ZBTB40: variants seen among roughly 807,000 people sequenced by gnomAD.
The protein encoded by ZBTB40 is zinc finger and BTB domain containing 40, also known as zinc finger and BTB domain-containing protein 40.
Under a neutral mutation model 117.5 loss-of-function variants are expected in ZBTB40, and 60 were observed. The observed-to-expected ratio is 0.51, with a 90% CI of 0.41 to 0.63. The LOEUF is 0.63. Ranked by LOEUF, ZBTB40 falls within the 30% of genes least tolerant of loss-of-function variation. The pLI, the probability that ZBTB40 is intolerant of heterozygous loss-of-function variation, is 0.00. For missense variants in ZBTB40, 1,287 were observed against 1,498.5 expected (o/e 0.86, Z 2.33); for synonymous variants, 525 against 577.1 (o/e 0.91, Z 1.29).
At chr1:22,446,007 G>A (rs1640784852) in intron 1 of ZBTB40, among the ~76,000 whole-genome samples, 1 of 152,086 alleles carries the variant, frequency 6.6e-6, no homozygotes, top group South Asian at 2.1e-4. Context: ...AACATGCTAA[G>A]AACTCTAATA....
chr1:22,485,957 T>A lies in ZBTB40; in HGVS notation c.-69-3923T>A, dbSNP rs1284260582. On this transcript the variant is annotated intron_variant, in intron 1 of 17. Transcript: ENST00000375647. ...CATCTATTCTTACATGTTTTGTACT[T>A]TTTCCATTAAAGCCCCTGGCTATTT... Among the ~76,000 whole-genome samples the A allele has an allele frequency of 2.0e-5, 3 of 152,140 alleles. No homozygotes were observed. The East Asian group carries it at 5.8e-4, about 29-fold the overall frequency.
intron 1 of ZBTB40, among the ~76,000 whole-genome samples, chr1:22,480,614 T>A (rs1459953881): frequency 6.6e-6 from 1 of 151,928 alleles, no homozygotes; most frequent in Non-Finnish European, 1.5e-5. Flanking sequence ...CCTCCCAAAG[T>A]GCTGGGATTA....
At chr1:22,505,560 T>C (rs1639055824) in intron 5 of ZBTB40, among the ~76,000 whole-genome samples, 1 of 152,228 alleles carries the variant, frequency 6.6e-6, no homozygotes, top group African/African-American at 2.4e-5. Flanking sequence ...ATACAAATTA[T>C]CTGAGTATTC....
rs142090444 is a variant in ZBTB40 at position 22,493,615 on chromosome 1, C to T, written c.831+2082C>T. On this transcript the variant is annotated intron_variant, in intron 3 of 17. Transcript: ENST00000375647. ...TCACCCCCAAAAGTTTCTTCTTGTC[C>T]CTGTGTACTACCCCTCTCTCCTGCC... Among the ~76,000 whole-genome samples the T allele has an allele frequency of 1.9e-3, 288 of 152,128 alleles. 1 individual carries two copies. Among genetic ancestry groups the T allele is most frequent in the Non-Finnish European group, 3.3e-3 (226 of 67,986 alleles).
At chr1:22,505,819 T>G (rs1163497511) in intron 5 of ZBTB40, among the ~76,000 whole-genome samples, 6 of 152,180 alleles carry the variant, frequency 3.9e-5, no homozygotes, top group African/African-American at 9.7e-5. Context: ...TACACAGACC[T>G]GCAATTGAGA....
chr1:22,489,258 C>T (rs772486131), intron 1 of ZBTB40, among the ~76,000 whole-genome samples: 13 of 152,042 alleles, frequency 8.6e-5, no homozygotes, highest in Non-Finnish European at 1.6e-4. Flanking sequence ...AGGTAAGAGG[C>T]GGGATGACTG....
chr1:22,456,587 T>C (rs1192579610), intron 1 of ZBTB40, among the ~76,000 whole-genome samples: 1 of 152,164 alleles, frequency 6.6e-6, no homozygotes, highest in Admixed American at 6.5e-5. Context: ...CAATGAAACA[T>C]CACATGTAAC....
intron 12 of ZBTB40, 78 bp from the exon 13 acceptor site, chr1:22,517,222 G>A (rs1177198850): frequency 6.3e-7 from 1 of 1,579,928 alleles, no homozygotes; most frequent in African/African-American, 1.3e-5. Flanking sequence ...CCTGATACGT[G>A]CTGTAGAATT....
chr1:22,510,814 A>G (rs1639211411), intron 9 of ZBTB40, among the ~76,000 whole-genome samples: 1 of 152,240 alleles, frequency 6.6e-6, no homozygotes, highest in Non-Finnish European at 1.5e-5. Context: ...AGACAGACAC[A>G]CCGACGACCA....
At chr1:22,477,040 A>T (rs1222382512) in intron 1 of ZBTB40, among the ~76,000 whole-genome samples, 1 of 152,198 alleles carries the variant, frequency 6.6e-6, no homozygotes, top group Non-Finnish European at 1.5e-5. Flanking sequence ...TATATTAGAG[A>T]CTTTTACATT....
intron 9 of ZBTB40, among the ~76,000 whole-genome samples, chr1:22,510,819 C>T (rs1384001254): frequency 1.3e-5 from 2 of 152,186 alleles, no homozygotes; most frequent in Admixed American, 6.5e-5. Flanking sequence ...GACACACCGA[C>T]GACCAAATCC....
chr1:22,438,001 A>G (rs1049845411), intron 1 of ZBTB40, among the ~76,000 whole-genome samples: 9 of 152,028 alleles, frequency 5.9e-5, no homozygotes, highest in African/African-American at 1.7e-4. Context: ...GTGGTGGTAC[A>G]TGCCGGTAAT....
chr1:22,513,748 C>G lies in ZBTB40; in HGVS notation c.2668+618C>G, dbSNP rs1639303800. Among the ~76,000 whole-genome samples the G allele has an allele frequency of 6.6e-6, 1 of 152,134 alleles. No individual in the cohort carries two copies. Among genetic ancestry groups the G allele is most frequent in the South Asian group, 2.1e-4 (1 of 4,818 alleles). ...AAAATTAAAAAACAATGCACAACCT[C>G]TAGGCAAACAGACGACTGGGAATAG... On this transcript the variant is annotated intron_variant, in intron 12 of 17. Transcript: ENST00000375647. The surrounding 1 kb of genome is among the most constrained non-coding windows in gnomAD (Gnocchi z 4.9).
chr1:22,506,562 T>C (rs902338526), intron 6 of ZBTB40, among the ~76,000 whole-genome samples: 3 of 152,316 alleles, frequency 2.0e-5, no homozygotes, highest in Admixed American at 6.5e-5. Context: ...TAGCACTGTG[T>C]CAGCCATATT....
At chr1:22,510,263 ACTCT>A (rs760207740) in intron 9 of ZBTB40, among the ~76,000 whole-genome samples, 2 of 152,200 alleles carry the variant, frequency 1.3e-5, no homozygotes, top group African/African-American at 4.8e-5. Flanking sequence ...CGGGTTTCTA[ACTCT>A]CTCTGTGCAG....
At chr1:22,456,459 A>C (rs917576399) in intron 1 of ZBTB40, among the ~76,000 whole-genome samples, 1 of 152,234 alleles carries the variant, frequency 6.6e-6, no homozygotes, top group African/African-American at 2.4e-5. Context: ...CAAGAGACCC[A>C]TGAATCCTTT....
chr1:22,506,393 C>G (rs547787917), intron 6 of ZBTB40, 152 bp downstream of exon 6: 425 of 850,548 alleles, frequency 5.0e-4, no homozygotes, highest in Middle Eastern at 1.1e-3. Context: ...CGATAATTCT[C>G]GATCTCTCTG....
At chr1:22,523,912 A>T (rs1321303722) in intron 16 of ZBTB40, among the ~76,000 whole-genome samples, 2 of 152,210 alleles carry the variant, frequency 1.3e-5, no homozygotes, top group Admixed American at 1.3e-4. Flanking sequence ...CAGCATCTTT[A>T]TCTGCAGTTG....
chr1:22,443,213 T>A (rs1386134430), intron 1 of ZBTB40, among the ~76,000 whole-genome samples: 1 of 152,104 alleles, frequency 6.6e-6, no homozygotes, highest in Non-Finnish European at 1.5e-5. Flanking sequence ...TATAAAGAGG[T>A]TTTTCTGAGC....
Sources: gnomAD v4.1 joint callset for allele counts (sites outside exome capture counted in the v4.1 genomes callset) on GRCh38, gnomAD v4.1.1 for gene constraint, Gnocchi (gnomAD v3.1) non-coding constraint, MANE v1.5 for transcripts, NCBI Gene and HGNC (gene_info 2026-07-23, HGNC 2026-07-21) for gene names.